FRMD8: variants seen among roughly 807,000 people sequenced by gnomAD.
FRMD8 encodes FERM domain containing 8, also known as FERM domain-containing protein 8.
A neutral mutation model predicts 54.2 loss-of-function variants in FRMD8; 37 were observed. The ratio of observed to expected loss-of-function variants is 0.68; its 90% CI spans 0.53 to 0.90. The LOEUF is 0.90. FRMD8 is among the 40% of genes least tolerant of loss of function. FRMD8 has a pLI of 0.00. For missense variants in FRMD8, 585 were observed against 653.7 expected, an observed-to-expected ratio of 0.89 and a Z score of 1.15; for synonymous variants, 246 against 286.9, an observed-to-expected ratio of 0.86 and a Z score of 1.44.
At chr11:65,382,578 A>G (rs2137833245), upstream of FRMD8, 1 of 155,014 alleles carries the variant, frequency 6.5e-6, no homozygotes, top group African/African-American at 2.4e-5. The surrounding 1 kb of genome is among the most constrained non-coding windows in gnomAD (Gnocchi z 4.4). Flanking sequence ...CCTCCTTCCC[A>G]GGGGAAAGAT....
chr11:65,389,845 G>C (rs925143249), intron 3 of FRMD8, among the ~76,000 whole-genome samples: 1 of 152,148 alleles, frequency 6.6e-6, no homozygotes, highest in African/African-American at 2.4e-5. Context: ...CTTGTCTGCC[G>C]AGCATAACCT....
rs965408875 is a variant in FRMD8 at position 65,404,290 on chromosome 11, G to A, written c.1072-574G>A. ...GTGCCACCCTTTTAACACCCTCTGC[G>A]ACTCCCTCAAACCCCTGAAGGCCCT... On this transcript the variant is annotated intron_variant, in intron 9 of 10. Transcript: ENST00000317568. The surrounding 1 kb of genome is among the most constrained non-coding windows in gnomAD (Gnocchi z 4.7). 5.9e-5 allele frequency among the ~76,000 whole-genome samples: 9 copies of A among 152,144 alleles called. No individual in the cohort carries two copies. Among genetic ancestry groups the A allele is most frequent in the African/African-American group, 1.4e-4 (6 of 41,424 alleles).
At chr11:65,379,340 A>G in the FRMD8 span, 1 of 1,600,428 alleles carries the variant, frequency 6.2e-7, no homozygotes, top group South Asian at 1.1e-5. Context: ...GACCATCCCT[A>G]TGACACCTGT....
chr11:65,381,923 C>G (rs1855584160), upstream of FRMD8: 1 of 1,614,048 alleles, frequency 6.2e-7, no homozygotes, highest in Non-Finnish European at 8.5e-7. Flanking sequence ...ACCAGAGATC[C>G]AGCCAGCCAC....
the FRMD8 span, chr11:65,376,648 C>G: frequency 6.2e-7 from 1 of 1,613,996 alleles, no homozygotes; most frequent in Non-Finnish European, 8.5e-7. Context: ...GCCTGCAAAG[C>G]CCCCTGCCAC....
At chr11:65,392,535 G>T (rs1008176398) in intron 3 of FRMD8, among the ~76,000 whole-genome samples, 6 of 152,170 alleles carry the variant, frequency 3.9e-5, no homozygotes, top group Non-Finnish European at 7.4e-5. Context: ...TTTTTTGGTG[G>T]GTGCTGGTGT....
chr11:65,410,517 G>T (rs1242929611), intron 10 of FRMD8, among the ~76,000 whole-genome samples: 1 of 143,942 alleles, frequency 6.9e-6, no homozygotes, highest in Admixed American at 6.9e-5. Flanking sequence ...AAGGCCGGGC[G>T]CAGTGGCTCA....
intron 6 of FRMD8, among the ~76,000 whole-genome samples, chr11:65,395,145 G>T (rs985293620): frequency 2.0e-5 from 3 of 152,154 alleles, no homozygotes; most frequent in African/African-American, 7.2e-5. Context: ...CGTTTGGGAG[G>T]CTGAGGCAGG....
the FRMD8 span, among the ~76,000 whole-genome samples, chr11:65,371,843 T>TGACCTCGTGATCTGCCC: frequency 6.6e-6 from 1 of 152,166 alleles, no homozygotes; most frequent in Non-Finnish European, 1.5e-5. Context: ...CTCGATCTCC[T>TGACCTCGTGATCTGCCC]GACCTCGTGA....
At chr11:65,384,949 G>A (rs539470205), upstream of FRMD8, among the ~76,000 whole-genome samples, 4 of 152,214 alleles carry the variant, frequency 2.6e-5, no homozygotes, top group East Asian at 3.9e-4. Context: ...GGCCTCAGGC[G>A]ATCCTCCTGC....
intron 10 of FRMD8, among the ~76,000 whole-genome samples, chr11:65,407,898 A>AC (rs1446992246): frequency 3.3e-5 from 5 of 150,936 alleles, no homozygotes; most frequent in Non-Finnish European, 5.9e-5. Flanking sequence ...AAAAAAAAAA[A>AC]AGGAAATGAG....
chr11:65,370,134 A>AT, the FRMD8 span, among the ~76,000 whole-genome samples: 13 of 151,174 alleles, frequency 8.6e-5, no homozygotes, highest in Non-Finnish European at 1.6e-4. Context: ...AGGTGGGAGG[A>AT]TACTTGAGCC....
At chr11:65,376,484 T>C in the FRMD8 span, 1 of 1,614,188 alleles carries the variant, frequency 6.2e-7, no homozygotes, top group Admixed American at 1.7e-5. Flanking sequence ...GCACTGTTGA[T>C]GGTGACCCCC....
intron 10 of FRMD8, among the ~76,000 whole-genome samples, chr11:65,407,274 C>CAA (rs1856222036): frequency 6.6e-6 from 1 of 151,474 alleles, no homozygotes; most frequent in African/African-American, 2.4e-5. Flanking sequence ...TATTTAGAGA[C>CAA]AGAGTCTCGC....
chr11:65,408,548 C>G (rs563619962), intron 10 of FRMD8, among the ~76,000 whole-genome samples: 8 of 151,876 alleles, frequency 5.3e-5, no homozygotes, highest in African/African-American at 1.7e-4. Flanking sequence ...CAGGAAAGTC[C>G]TTCCTTAGAA....
upstream of FRMD8, chr11:65,382,020 C>T: frequency 5.3e-6 from 7 of 1,315,816 alleles, no homozygotes; most frequent in South Asian, 8.2e-5. The surrounding 1 kb of genome is among the most constrained non-coding windows in gnomAD (Gnocchi z 4.4). Flanking sequence ...TCTCCCTCCC[C>T]TGGCCCACGC....
rs1856145022 is a variant in FRMD8, at chr11:65,404,404, G to A, written c.1072-460G>A. On this transcript the variant is annotated intron_variant, in intron 9 of 10. Coordinates refer to ENST00000317568, the MANE Select transcript of FRMD8 (RefSeq NM_031904.5). This position sits in a 1 kb window ranked among gnomAD's most constrained non-coding sequence, Gnocchi z 4.7. Reference sequence around the variant, plus strand: ...CATGCTTCACACCTGTTGAGTAGGAGTCACTTTTGAAGAACGTGCTGGCAG... The same window carrying A: ...CATGCTTCACACCTGTTGAGTAGGAATCACTTTTGAAGAACGTGCTGGCAG... 6.6e-6 allele frequency among the ~76,000 whole-genome samples: 1 copy of A among 152,126 alleles called. No individual in the cohort carries two copies. Among genetic ancestry groups the A allele is most frequent in the Non-Finnish European group, 1.5e-5 (1 of 68,010 alleles).
intron 6 of FRMD8, among the ~76,000 whole-genome samples, 177 bp downstream of exon 6, chr11:65,394,602 TC>T (rs1855911446): frequency 6.6e-6 from 1 of 152,224 alleles, no homozygotes; most frequent in Admixed American, 6.5e-5. Context: ...AGCCTCCTTT[TC>T]CTCACCTGTC....
At chr11:65,388,985 G>A (rs1184352930) in intron 2 of FRMD8, among the ~76,000 whole-genome samples, 2 of 152,194 alleles carry the variant, frequency 1.3e-5, no homozygotes, top group African/African-American at 4.8e-5. Context: ...TCTGTGGCAT[G>A]TTCTTGTTCA....
Sources: gnomAD v4.1 joint callset for allele counts (sites outside exome capture counted in the v4.1 genomes callset) on GRCh38, gnomAD v4.1.1 for gene constraint, Gnocchi (gnomAD v3.1) non-coding constraint, MANE v1.5 for transcripts, NCBI Gene and HGNC (gene_info 2026-07-23, HGNC 2026-07-21) for gene names.